CORO1C: variants seen among roughly 807,000 people sequenced by gnomAD.
The protein encoded by CORO1C is coronin 1C, also known as coronin-1C.
A neutral mutation model predicts 51.2 loss-of-function variants in CORO1C; 14 were observed. That is an observed-to-expected ratio of 0.27 (90% confidence interval 0.18 to 0.43). The LOEUF (loss-of-function observed/expected upper bound fraction) is 0.43. CORO1C is among the 20% of genes least tolerant of loss of function. The probability of loss-of-function intolerance (pLI) is 1.00; values close to 1 mark genes in which losing one functional copy is unlikely to be tolerated. For synonymous variants in CORO1C, 181 were observed against 210.5 expected (o/e 0.86, Z 1.21); for missense variants, 417 against 607.8 (o/e 0.69, Z 3.30).
chr12:108,648,295 G>A (rs994347171), intron 10 of CORO1C, among the ~76,000 whole-genome samples: 8 of 152,070 alleles, frequency 5.3e-5, no homozygotes, highest in African/African-American at 1.4e-4. Context: ...CAAAAGACAG[G>A]AAAAACCCAA....
At chr12:108,674,531 G>C (rs2033835873) in intron 3 of CORO1C, among the ~76,000 whole-genome samples, 1 of 144,486 alleles carries the variant, frequency 6.9e-6, no homozygotes, top group South Asian at 2.2e-4. Flanking sequence ...CTGGGCGACA[G>C]AGCGAGACTC....
intron 1 of CORO1C, among the ~76,000 whole-genome samples, chr12:108,712,100 C>T (rs950119571): frequency 2.6e-5 from 4 of 152,114 alleles, no homozygotes; most frequent in Non-Finnish European, 5.9e-5. Context: ...CTAAAATGTC[C>T]CATTAGAGGA....
chr12:108,704,673 G>C (rs956668505), intron 1 of CORO1C, among the ~76,000 whole-genome samples: 5 of 152,184 alleles, frequency 3.3e-5, no homozygotes, highest in African/African-American at 1.2e-4. Context: ...GGCAGTGTGA[G>C]CCCATTCACT....
rs1384676588 is a variant in CORO1C, at chr12:108,678,351, G to C, written c.239C>G (p.Thr80Arg). 6.2e-7 allele frequency: 1 copy of C among 1,606,156 alleles called. No individual in the cohort carries two copies. The highest frequency in any genetic ancestry group is 2.3e-5 in the East Asian group (1 of 44,214). Residue 80 changes from threonine (T) to arginine (R), a missense_variant, in exon 3 of 11, where the codon ACA (threonine) becomes AGA (arginine). By Grantham distance (71) the Thr-to-Arg change is moderately conservative (BLOSUM62 -1). Transcript: ENST00000261401. ...CCAGTCTATGTCCAGCACTGGTCCT[G>C]TGTGGCCACATACTGTAGGGTAAGA... ...DKSYPTVCGH[T>R]GPVLDIDWCP...
At chr12:108,659,721 A>C (rs2033176691) in intron 4 of CORO1C, among the ~76,000 whole-genome samples, 1 of 152,198 alleles carries the variant, frequency 6.6e-6, no homozygotes, top group South Asian at 2.1e-4. Flanking sequence ...TGAGACTCTA[A>C]GACACAGCTT....
At position 108,652,285 on chromosome 12, in the gene CORO1C, A is replaced by T; in HGVS notation, c.988T>A (p.Cys330Ser). The T allele has an allele frequency of 6.2e-7, 1 of 1,613,364 alleles. No homozygotes were observed. The highest frequency in any genetic ancestry group is 8.5e-7 in the Non-Finnish European group (1 of 1,179,678). Reference protein sequence around the residue: ...MPKRGLDVNKCEIARFFKLHE... With the variant: ...MPKRGLDVNKSEIARFFKLHE... Reference sequence around the variant, plus strand: ...TCGATTCTTTACCTGGCAATCTCACATTTGTTAACATCAAGTCCCCTCTTG... The same window carrying T: ...TCGATTCTTTACCTGGCAATCTCACTTTTGTTAACATCAAGTCCCCTCTTG... The change falls in exon 8 of 11, where the codon TGT becomes AGT. Residue 330 changes from cysteine to serine, a missense_variant. Coordinates refer to ENST00000261401, the MANE Select transcript of CORO1C (RefSeq NM_014325.4).
chr12:108,697,097 T>C (rs1449439579), intron 2 of CORO1C, among the ~76,000 whole-genome samples: 3 of 152,210 alleles, frequency 2.0e-5, no homozygotes, highest in Non-Finnish European at 4.4e-5. Context: ...TTTTACATTC[T>C]CCCAGAATCT....
intron 5 of CORO1C, 51 bp from the exon 6 acceptor site, chr12:108,657,474 T>G: frequency 6.3e-7 from 1 of 1,595,568 alleles, no homozygotes; most frequent in Non-Finnish European, 8.5e-7. Context: ...GAAGACAAGG[T>G]GAGTGGAGAA....
chr12:108,718,328 A>C (rs568338384), intron 1 of CORO1C, among the ~76,000 whole-genome samples: 1 of 151,356 alleles, frequency 6.6e-6, no homozygotes, highest in East Asian at 1.9e-4. Context: ...AAATCGCACT[A>C]CTGCACTCCA....
At chr12:108,702,676 A>G in intron 1 of CORO1C, 1 of 1,085,914 alleles carries the variant, frequency 9.2e-7, no homozygotes, top group Non-Finnish European at 1.3e-6. Context: ...CTGTCCACTC[A>G]TGCCAGACGA....
intron 1 of CORO1C, among the ~76,000 whole-genome samples, chr12:108,721,203 C>T (rs2035465506): frequency 6.6e-6 from 1 of 152,230 alleles, no homozygotes; most frequent in African/African-American, 2.4e-5. Context: ...AACTCCATAA[C>T]CAAACTATAT....
intron 2 of CORO1C, among the ~76,000 whole-genome samples, chr12:108,697,683 T>A (rs769349922): frequency 1.6e-4 from 24 of 152,184 alleles, no homozygotes; most frequent in Admixed American, 3.9e-4. Flanking sequence ...CCATCATATT[T>A]CTTCTTCGAG....
chr12:108,722,923 G>C (rs2035506904), intron 1 of CORO1C, among the ~76,000 whole-genome samples: 1 of 152,224 alleles, frequency 6.6e-6, no homozygotes, highest in African/African-American at 2.4e-5. Flanking sequence ...GAAAAAAGAA[G>C]ACTTCCAACT....
At chr12:108,678,699 A>G (rs891745069) in intron 2 of CORO1C, among the ~76,000 whole-genome samples, 35 of 151,254 alleles carry the variant, frequency 2.3e-4, no homozygotes, top group African/African-American at 8.5e-4. Flanking sequence ...ATTGTAAATT[A>G]AAAGGATGTT....
intron 1 of CORO1C, among the ~76,000 whole-genome samples, chr12:108,705,804 C>G (rs1008764384): frequency 3.3e-5 from 5 of 152,028 alleles, no homozygotes; most frequent in African/African-American, 1.2e-4. Context: ...CCTAGGAATG[C>G]GAGGTTGGGT....
At chr12:108,681,667 C>T (rs2034127661) in intron 2 of CORO1C, among the ~76,000 whole-genome samples, 1 of 152,162 alleles carries the variant, frequency 6.6e-6, no homozygotes, top group African/African-American at 2.4e-5. Context: ...CAAAAAGAGA[C>T]AGAATTTACC....
At chr12:108,655,686 A>G (rs1181372557) in intron 6 of CORO1C, among the ~76,000 whole-genome samples, 1 of 152,136 alleles carries the variant, frequency 6.6e-6, no homozygotes, top group African/African-American at 2.4e-5. Flanking sequence ...TCAGTGCTCA[A>G]TGTTGCCCGG....
chr12:108,712,570 C>CAA (rs138128974), intron 1 of CORO1C, among the ~76,000 whole-genome samples: 63 of 66,332 alleles, frequency 9.5e-4, no homozygotes, highest in African/African-American at 1.6e-3. Flanking sequence ...GAAACTGTCT[C>CAA]AAAAAAAAAA....
chr12:108,724,961 A>G (rs1479481291), intron 1 of CORO1C, among the ~76,000 whole-genome samples: 2 of 152,220 alleles, frequency 1.3e-5, no homozygotes, highest in Admixed American at 6.5e-5. Context: ...ACACTTTATC[A>G]CACTGTAACC....
Sources: gnomAD v4.1 joint callset for allele counts (sites outside exome capture counted in the v4.1 genomes callset) on GRCh38, gnomAD v4.1.1 for gene constraint, MANE v1.5 for transcripts, NCBI Gene and HGNC (gene_info 2026-07-23, HGNC 2026-07-21) for gene names.